The following MBNL1 variants were observed in gnomAD, a reference collection of about 807,000 sequenced individuals.
MBNL1 encodes muscleblind-like protein 1.
A neutral mutation model predicts 42.2 loss-of-function variants in MBNL1; 8 were observed. That is an observed-to-expected ratio of 0.19 (90% CI 0.11 to 0.34). MBNL1 has a LOEUF of 0.34. Among genes scored for constraint, MBNL1 ranks in the 10% least tolerant of loss-of-function variants. The pLI is 1.00. For missense variants in MBNL1, 309 were observed against 495.3 expected, an observed-to-expected ratio of 0.62 and a Z score of 3.57; for synonymous variants, 169 against 173.9, an observed-to-expected ratio of 0.97 and a Z score of 0.22.
chr3:152,399,547 C>A (rs185102836), intron 2 of MBNL1, among the ~76,000 whole-genome samples: 1 of 151,638 alleles, frequency 6.6e-6, no homozygotes, highest in Non-Finnish European at 1.5e-5. Flanking sequence ...GGCTTTTGCT[C>A]TGTCACCCAG....
intron 2 of MBNL1, among the ~76,000 whole-genome samples, chr3:152,360,436 G>C (rs562282753): frequency 6.3e-4 from 96 of 151,976 alleles, no homozygotes; most frequent in Non-Finnish European, 1.2e-3. Context: ...ATCCCTCCCT[G>C]CCTGTGCCAT....
At chr3:152,355,439 A>G (rs1578546002) in intron 2 of MBNL1, among the ~76,000 whole-genome samples, 2 of 152,216 alleles carry the variant, frequency 1.3e-5, no homozygotes, top group South Asian at 2.1e-4. Context: ...GTAATTTGAC[A>G]TCAGTTGAAT....
At chr3:152,401,534 CTG>C (rs1560452002) in intron 2 of MBNL1, among the ~76,000 whole-genome samples, 6 of 152,148 alleles carry the variant, frequency 3.9e-5, no homozygotes, top group African/African-American at 1.4e-4. Context: ...CTAGGAGCTA[CTG>C]TTTCTTGAAC....
chr3:152,396,773 A>G (rs887636272), intron 2 of MBNL1, among the ~76,000 whole-genome samples: 1 of 152,178 alleles, frequency 6.6e-6, no homozygotes, highest in Non-Finnish European at 1.5e-5. Flanking sequence ...ACAGAGATAA[A>G]TTAAGATTCT....
chr3:152,423,364 T>G (rs2098838102), intron 3 of MBNL1, among the ~76,000 whole-genome samples: 1 of 152,078 alleles, frequency 6.6e-6, no homozygotes, highest in African/African-American at 2.4e-5. Context: ...ACGTACAGCC[T>G]CCCAAGACTC....
intron 2 of MBNL1, among the ~76,000 whole-genome samples, chr3:152,369,830 T>G (rs1417487701): frequency 6.6e-6 from 1 of 152,224 alleles, no homozygotes; most frequent in African/African-American, 2.4e-5. Flanking sequence ...GATTGTAAAC[T>G]GTATTTCTTT....
At chr3:152,442,518 A>G (rs1255963204) in intron 4 of MBNL1, among the ~76,000 whole-genome samples, 1 of 152,242 alleles carries the variant, frequency 6.6e-6, no homozygotes, top group African/African-American at 2.4e-5. Flanking sequence ...AATTCTCTGT[A>G]TGATAAATGT....
intron 2 of MBNL1, among the ~76,000 whole-genome samples, chr3:152,363,762 G>T (rs1195430633): frequency 6.6e-6 from 1 of 152,076 alleles, no homozygotes; most frequent in Admixed American, 6.6e-5. Context: ...GGGTCACACA[G>T]TCTGTTCCTA....
intron 2 of MBNL1, among the ~76,000 whole-genome samples, chr3:152,368,754 G>T (rs2096537815): frequency 6.6e-6 from 1 of 152,024 alleles, no homozygotes; most frequent in South Asian, 2.1e-4. Flanking sequence ...ATATTCCTAG[G>T]TATTTTATTC....
chr3:152,359,983 G>T (rs2095820107), intron 2 of MBNL1, among the ~76,000 whole-genome samples: 2 of 152,098 alleles, frequency 1.3e-5, no homozygotes, highest in Non-Finnish European at 2.9e-5. Flanking sequence ...GAAAACATTG[G>T]GCTTTTTCCT....
In MBNL1 at chr3:152,278,354, C is replaced by T. The variant is rs557026457; in HGVS notation, c.-790+9262C>T. Among the ~76,000 whole-genome samples, 12 of 152,158 alleles carry T rather than the reference C, an allele frequency of 7.9e-5. No individual in the cohort carries two copies. In the South Asian group the frequency reaches 1.0e-3, roughly 13 times the overall value. ...GTTTGATAAGCATAGCAAAAGTGAA[C>T]GACGGAGGATACAAGAAAATCTTTG... On this transcript the variant is annotated intron_variant, in intron 1 of 9. Coordinates refer to ENST00000324210, the MANE Select transcript of MBNL1 (RefSeq NM_021038.5).
At chr3:152,334,312 A>G (rs2087750068) in intron 2 of MBNL1, among the ~76,000 whole-genome samples, 1 of 152,206 alleles carries the variant, frequency 6.6e-6, no homozygotes, top group Non-Finnish European at 1.5e-5. Flanking sequence ...AGATATTTAA[A>G]TTATACAAAA....
intron 2 of MBNL1, among the ~76,000 whole-genome samples, chr3:152,308,207 TATTA>T (rs2064275458): frequency 6.6e-6 from 1 of 152,230 alleles, no homozygotes. Flanking sequence ...AAACCCTGGT[TATTA>T]ATTAAACCCA....
At chr3:152,376,626 A>T (rs1028497537) in intron 2 of MBNL1, among the ~76,000 whole-genome samples, 2 of 152,188 alleles carry the variant, frequency 1.3e-5, no homozygotes, top group Non-Finnish European at 2.9e-5. Flanking sequence ...AGGAGAGCAA[A>T]AGCCCAAGGA....
intron 1 of MBNL1, among the ~76,000 whole-genome samples, chr3:152,281,418 G>A (rs1187815195): frequency 6.6e-6 from 1 of 152,088 alleles, no homozygotes; most frequent in Non-Finnish European, 1.5e-5. Flanking sequence ...ATAAGATGTG[G>A]AAGAGGTTTT....
chr3:152,264,665 C>T (rs1181992579), upstream of MBNL1: 1 of 152,152 alleles, frequency 6.6e-6, no homozygotes, highest in African/African-American at 2.4e-5. Flanking sequence ...CCATTCAATG[C>T]TAAAATTCTA....
chr3:152,305,986 T>C (rs142514906), intron 2 of MBNL1, among the ~76,000 whole-genome samples: 81 of 152,356 alleles, frequency 5.3e-4, no homozygotes, highest in African/African-American at 1.5e-3. Flanking sequence ...GCTTGTGTTT[T>C]GAAAATTACT....
At chr3:152,438,150 T>C (rs1036154666) in intron 4 of MBNL1, among the ~76,000 whole-genome samples, 1 of 152,198 alleles carries the variant, frequency 6.6e-6, no homozygotes, top group African/African-American at 2.4e-5. Context: ...TAATTTTTTA[T>C]GGTGCAAAAA....
intron 2 of MBNL1, among the ~76,000 whole-genome samples, chr3:152,324,157 A>G (rs943609179): frequency 3.3e-5 from 5 of 152,188 alleles, no homozygotes; most frequent in African/African-American, 9.6e-5. Context: ...AATCACATAT[A>G]AAGAATACTT....
Sources: allele counts gnomAD v4.1 joint callset (sites outside exome capture counted in the v4.1 genomes callset), GRCh38; gene constraint gnomAD v4.1.1; transcripts MANE v1.5; gene names NCBI Gene and HGNC (gene_info 2026-07-23, HGNC 2026-07-21).